PLAT: variants seen among roughly 807,000 people sequenced by gnomAD.
PLAT encodes plasminogen activator, tissue type.
PLAT carries 48 observed loss-of-function variants against 74.9 expected under a neutral mutation model. That is an observed-to-expected ratio of 0.64 (90% confidence interval 0.51 to 0.82). The LOEUF is 0.82. Ranked by LOEUF, PLAT falls within the 40% of genes least tolerant of loss-of-function variation. The probability of loss-of-function intolerance (pLI) is 0.00; values close to 1 mark genes in which losing one functional copy is unlikely to be tolerated. For synonymous variants in PLAT, 307 were observed against 294.4 expected (o/e 1.04, Z -0.44); for missense variants, 673 against 736.2 (o/e 0.91, Z 0.99).
chr8:42,187,023 C>CATCT (rs146191787), intron 6 of PLAT: 91,927 of 166,930 alleles, frequency 0.55, 26,128 homozygotes, highest in Admixed American at 0.66. Flanking sequence ...TACCACCTAT[C>CATCT]ATCTATCATC....
chr8:42,183,992 G>T (rs1805349399), intron 7 of PLAT, among the ~76,000 whole-genome samples: 1 of 152,124 alleles, frequency 6.6e-6, no homozygotes, highest in Non-Finnish European at 1.5e-5. Context: ...CCAGGCTGGA[G>T]TGCAGTGGCA....
chr8:42,187,461 T>C lies in PLAT; in HGVS notation c.476A>G (p.Lys159Arg). ...GTCTGGCCTCCGCCCGCTGTAGGGC[T>C]TCTGGGCCAACGCGCTGCTGTTCCA... ...TNWNSSALAQ[K>R]PYSGRRPDAI... The change falls in exon 6 of 14, where the codon AAG becomes AGG. Residue 159 changes from lysine (K) to arginine (R), a missense_variant. Transcript: ENST00000220809. 1 of 1,607,432 alleles carries C rather than the reference T, an allele frequency of 6.2e-7. No homozygotes were observed. Among genetic ancestry groups the C allele is most frequent in the Non-Finnish European group, 8.5e-7 (1 of 1,179,718 alleles).
Position 42,182,031 on chromosome 8 carries a change from T to C in PLAT, c.804-9A>G. 2.6e-6 allele frequency: 4 copies of C among 1,533,338 alleles called. No individual in the cohort carries two copies. The highest frequency in any genetic ancestry group is 3.6e-6 in the Non-Finnish European group (4 of 1,106,310). 95.0% of individuals were successfully genotyped at this position (1,533,338 alleles called of 1,614,324 possible). On this transcript the variant is annotated splice_polypyrimidine_tract_variant and intron_variant, in intron 8 of 13. Coordinates refer to ENST00000220809, the MANE Select transcript of PLAT (RefSeq NM_000930.5). ...CATCCCCATCAGGATTCCTAAATGATAAGAGAGTTTAAGGTTTCCTTTTTA... is the reference window on the plus strand; with the variant it reads ...CATCCCCATCAGGATTCCTAAATGACAAGAGAGTTTAAGGTTTCCTTTTTA...
chr8:42,175,924 C>T lies in PLAT; in HGVS notation c.*69G>A. On this transcript the variant is annotated 3_prime_UTR_variant, in exon 14 of 14. Transcript: ENST00000220809. The stretch of plus-strand genomic sequence containing the variant: ...GAGAAGTCTGTAGAGAAGCACTGCG[C>T]CTTTGCAGTGTCTTCTGAAGAAGAA... 1 of 1,505,126 alleles carries T rather than the reference C, an allele frequency of 6.6e-7. No homozygotes were observed. Among genetic ancestry groups the T allele is most frequent in the Non-Finnish European group, 9.2e-7 (1 of 1,088,868 alleles). The allele number at this position is 1,505,126 out of a possible 1,614,324, so 93.2% of individuals were successfully genotyped here.
At chr8:42,191,093 C>A (rs1420024347) in intron 3 of PLAT, among the ~76,000 whole-genome samples, 1 of 151,084 alleles carries the variant, frequency 6.6e-6, no homozygotes, top group South Asian at 2.1e-4. Flanking sequence ...CAGTGGCCGC[C>A]CCCCCCAGCC....
Position 42,180,705 on chromosome 8 carries a change from G to GA in PLAT, c.890-21dup. The GA allele has an allele frequency of 7.8e-6, 12 of 1,543,780 alleles. No homozygotes were observed. The highest frequency in any genetic ancestry group is 1.0e-5 in the Non-Finnish European group (12 of 1,143,694). The stretch of plus-strand genomic sequence containing the variant: ...AGGTGGCTGGGGAGGAAAGGACGAG[G>GA]AGGCAGTCAGTCCCACAGGCCTCCT... On this transcript the variant is annotated intron_variant, in intron 9 of 13. Transcript: ENST00000220809.
intron 1 of PLAT, among the ~76,000 whole-genome samples, chr8:42,195,380 C>T (rs1439602759): frequency 1.3e-5 from 2 of 152,212 alleles, no homozygotes; most frequent in African/African-American, 4.8e-5. Flanking sequence ...TGAGAAAACA[C>T]AGCTCAGAGG....
rs572892571 is a variant in PLAT, at chr8:42,198,583, G to C, written c.-26-5372C>G. On this transcript the variant is annotated intron_variant, in intron 1 of 13. Transcript: ENST00000220809. ...AACAGTGCAGTCGCTCCAGATGTTA[G>C]TGAACTGGAGAATTATAGTCTGTAC... Among the ~76,000 whole-genome samples the C allele has an allele frequency of 3.9e-5, 6 of 152,366 alleles. No homozygotes were observed. The South Asian group carries it at 8.3e-4, about 21-fold the overall frequency.
intron 1 of PLAT, among the ~76,000 whole-genome samples, chr8:42,198,570 G>A (rs772537958): frequency 8.5e-5 from 13 of 152,202 alleles, no homozygotes; most frequent in African/African-American, 2.7e-4. Context: ...CAGTGCAGTC[G>A]CTCCAGATGT....
Sources: allele counts gnomAD v4.1 joint callset (sites outside exome capture counted in the v4.1 genomes callset), GRCh38; gene constraint gnomAD v4.1.1; transcripts MANE v1.5; gene names NCBI Gene and HGNC (gene_info 2026-07-23, HGNC 2026-07-21).